Variants in TACR3 observed in about 807,000 individuals in gnomAD.
TACR3 encodes tachykinin receptor 3, also known as neuromedin-K receptor.
Under a neutral mutation model 35.0 loss-of-function variants are expected in TACR3, and 34 were observed. That is an observed-to-expected ratio of 0.97 (90% confidence interval 0.74 to 1.30). TACR3 has a LOEUF of 1.30. Ranked by LOEUF, TACR3 falls within the 50% of genes most tolerant of loss-of-function variation. The pLI is 0.00. For missense variants in TACR3, 558 were observed against 591.7 expected (o/e 0.94, Z 0.59); for synonymous variants, 233 against 221.1 (o/e 1.05, Z -0.48).
intron 3 of TACR3, among the ~76,000 whole-genome samples, chr4:103,607,653 T>G (rs766224355): frequency 1.3e-5 from 2 of 152,054 alleles, no homozygotes; most frequent in Non-Finnish European, 2.9e-5. Flanking sequence ...ATTGAACATA[T>G]AGAGAATATT....
chr4:103,628,082 G>A (rs1342993228), intron 3 of TACR3, among the ~76,000 whole-genome samples: 1 of 152,138 alleles, frequency 6.6e-6, no homozygotes, highest in African/African-American at 2.4e-5. Flanking sequence ...AAATAAAAAT[G>A]TTCGTTGAAA....
rs543502715 is a variant in TACR3 at position 103,684,024 on chromosome 4, C to G, written c.549-25621G>C. On this transcript the variant is annotated intron_variant, in intron 1 of 4. Transcript: ENST00000304883. Reference sequence around the variant, plus strand: ...AACAGAAAAAAAATTTGATGAAGTTCAACGTCAATTTAATATAAACTCTCA... The same window carrying G: ...AACAGAAAAAAAATTTGATGAAGTTGAACGTCAATTTAATATAAACTCTCA... Among the ~76,000 whole-genome samples, 4 of 152,028 alleles carry G rather than the reference C, an allele frequency of 2.6e-5. No homozygotes were observed. In the South Asian group the frequency reaches 8.3e-4, roughly 32 times the overall value.
At chr4:103,637,138 A>G (rs1725212484) in intron 3 of TACR3, among the ~76,000 whole-genome samples, 1 of 152,142 alleles carries the variant, frequency 6.6e-6, no homozygotes, top group African/African-American at 2.4e-5. Flanking sequence ...ACAACCAAAA[A>G]AGAGAATTTT....
chr4:103,687,758 A>G (rs1182390763), intron 1 of TACR3, among the ~76,000 whole-genome samples: 2 of 152,212 alleles, frequency 1.3e-5, no homozygotes, highest in Admixed American at 1.3e-4. Flanking sequence ...GGATACAAAC[A>G]AATGGAAGAA....
At chr4:103,719,081 T>C in intron 1 of TACR3, 47 bp downstream of exon 1, 1 of 1,611,744 alleles carries the variant, frequency 6.2e-7, no homozygotes, top group Non-Finnish European at 8.5e-7. Context: ...CGCCCAGTTC[T>C]TTTCTTTCCC....
At chr4:103,702,138 C>T (rs554922865) in intron 1 of TACR3, among the ~76,000 whole-genome samples, 2,462 of 152,136 alleles carry the variant, frequency 0.016, 77 homozygotes, top group African/African-American at 0.056. Flanking sequence ...AGAAAATTTT[C>T]GCAACTTACT....
chr4:103,710,754 TAAAG>T (rs1722928391), intron 1 of TACR3, among the ~76,000 whole-genome samples: 1 of 151,478 alleles, frequency 6.6e-6, no homozygotes, highest in Admixed American at 6.6e-5. Flanking sequence ...GCAAGACTAA[TAAAG>T]AAGAAAAGAG....
At chr4:103,640,987 G>A (rs559264258) in intron 3 of TACR3, among the ~76,000 whole-genome samples, 1 of 152,054 alleles carries the variant, frequency 6.6e-6, no homozygotes, top group South Asian at 2.1e-4. Flanking sequence ...TCAGACAAAT[G>A]TCATAAAGCT....
intron 3 of TACR3, among the ~76,000 whole-genome samples, chr4:103,634,004 G>A (rs935832210): frequency 6.6e-6 from 1 of 152,022 alleles, no homozygotes; most frequent in African/African-American, 2.4e-5. Context: ...GCTCACAAAA[G>A]GTCGGAAGCT....
intron 1 of TACR3, among the ~76,000 whole-genome samples, chr4:103,697,676 G>A (rs1190873179): frequency 2.0e-5 from 3 of 151,806 alleles, no homozygotes; most frequent in Admixed American, 1.3e-4. Flanking sequence ...CGCCCACCTC[G>A]GCCTCCCAAA....
At chr4:103,655,979 A>G (rs1368332641) in intron 3 of TACR3, among the ~76,000 whole-genome samples, 1 of 152,128 alleles carries the variant, frequency 6.6e-6, no homozygotes, top group Non-Finnish European at 1.5e-5. Flanking sequence ...AGAAGTCCTT[A>G]TGTAATGAAT....
chr4:103,628,765 A>G (rs1446464038), intron 3 of TACR3, among the ~76,000 whole-genome samples: 1 of 152,208 alleles, frequency 6.6e-6, no homozygotes, highest in African/African-American at 2.4e-5. Context: ...TCCAATCAAT[A>G]GAAAAAGAGG....
At chr4:103,677,731 G>C (rs959139440) in intron 1 of TACR3, among the ~76,000 whole-genome samples, 1 of 152,066 alleles carries the variant, frequency 6.6e-6, no homozygotes, top group Non-Finnish European at 1.5e-5. Context: ...AGGAAGAAGA[G>C]CATCATGAAG....
chr4:103,687,195 A>C (rs1027168218), intron 1 of TACR3, among the ~76,000 whole-genome samples: 1 of 152,198 alleles, frequency 6.6e-6, no homozygotes, highest in Non-Finnish European at 1.5e-5. Context: ...AAAATTCAAT[A>C]ACCCCTCATG....
At chr4:103,633,575 C>T (rs1297638342) in intron 3 of TACR3, among the ~76,000 whole-genome samples, 1 of 152,038 alleles carries the variant, frequency 6.6e-6, no homozygotes, top group African/African-American at 2.4e-5. Flanking sequence ...CCACTCTTCC[C>T]CACAAGTCCC....
At position 103,656,361 on chromosome 4, in the gene TACR3, A is replaced by G; in HGVS notation, c.738-17T>C. 6.2e-7 allele frequency: 1 copy of G among 1,610,722 alleles called. No homozygotes were observed. Among genetic ancestry groups the G allele is most frequent in the Non-Finnish European group, 8.5e-7 (1 of 1,177,868 alleles). ...ATATGGTAACTATGAAAAATAAGAA[A>G]AACACATGCTGAAGACCTTATTGGA... On this transcript the variant is annotated splice_polypyrimidine_tract_variant and intron_variant, in intron 2 of 4. Transcript: ENST00000304883.
chr4:103,605,866 G>T (rs1360548978), intron 3 of TACR3, among the ~76,000 whole-genome samples: 76 of 152,132 alleles, frequency 5.0e-4, no homozygotes, highest in East Asian at 3.5e-3. Flanking sequence ...TGGTTGCCAT[G>T]GCTTTTGGTG....
chr4:103,628,023 A>C (rs1724946505), intron 3 of TACR3, among the ~76,000 whole-genome samples: 1 of 152,212 alleles, frequency 6.6e-6, no homozygotes, highest in African/African-American at 2.4e-5. Flanking sequence ...ATGGAAACTG[A>C]ACAACTTGCT....
At chr4:103,654,708 TA>T (rs373382329) in intron 3 of TACR3, among the ~76,000 whole-genome samples, 25,637 of 146,704 alleles carry the variant, frequency 0.17, 2,451 homozygotes, top group African/African-American at 0.24. Context: ...ATAATAAAAT[TA>T]AAAAAAAAAG....
Sources: gnomAD v4.1 joint callset for allele counts (sites outside exome capture counted in the v4.1 genomes callset) on GRCh38, gnomAD v4.1.1 for gene constraint, MANE v1.5 for transcripts, NCBI Gene and HGNC (gene_info 2026-07-23, HGNC 2026-07-21) for gene names.